Variants in NAALADL2 observed in about 807,000 individuals in gnomAD.
NAALADL2 encodes N-acetylated alpha-linked acidic dipeptidase like 2.
Under a neutral mutation model 87.2 loss-of-function variants are expected in NAALADL2, and 76 were observed. That is an observed-to-expected ratio of 0.87 (90% confidence interval 0.72 to 1.05). The LOEUF is 1.05. Ranked by LOEUF, NAALADL2 falls within the 50% of genes least tolerant of loss-of-function variation. The pLI, the probability that NAALADL2 is intolerant of heterozygous loss-of-function variation, is 0.00. For synonymous variants in NAALADL2, 354 were observed against 331.0 expected (o/e 1.07, Z -0.75); for missense variants, 1,089 against 945.8 (o/e 1.15, Z -1.99).
chr3:175,211,241 T>C (rs1741728256), intron 2 of NAALADL2, among the ~76,000 whole-genome samples: 1 of 151,898 alleles, frequency 6.6e-6, no homozygotes, highest in African/African-American at 2.4e-5. Context: ...TAAATATAGA[T>C]ACTTCAGAAT....
At chr3:174,892,305 A>G (rs1444510208) in intron 1 of NAALADL2, among the ~76,000 whole-genome samples, 1 of 152,186 alleles carries the variant, frequency 6.6e-6, no homozygotes, top group Admixed American at 6.5e-5. Context: ...TGTGTTGAGG[A>G]AAGTTGAAGA....
intron 2 of NAALADL2, among the ~76,000 whole-genome samples, chr3:174,626,141 T>C (rs1031815207): frequency 6.6e-6 from 1 of 151,406 alleles, no homozygotes; most frequent in African/African-American, 2.4e-5. Context: ...ATGCACTGCA[T>C]TGGATATTTT....
chr3:175,028,278 C>T (rs557891574), intron 1 of NAALADL2, among the ~76,000 whole-genome samples: 23 of 152,010 alleles, frequency 1.5e-4, no homozygotes, highest in African/African-American at 5.1e-4. Flanking sequence ...ACACTTAAAA[C>T]AAAAATAATA....
intron 5 of NAALADL2, among the ~76,000 whole-genome samples, chr3:175,423,134 A>G (rs1463295381): frequency 1.4e-5 from 2 of 146,134 alleles, no homozygotes; most frequent in Non-Finnish European, 3.0e-5. Context: ...AAAGGGAAAG[A>G]GAAGAATTCT....
chr3:174,863,051 G>A (rs991945584), intron 1 of NAALADL2, among the ~76,000 whole-genome samples: 17 of 151,962 alleles, frequency 1.1e-4, no homozygotes, highest in Non-Finnish European at 2.1e-4. Context: ...TCACAGTTAG[G>A]AAAAAATAAT....
intron 5 of NAALADL2, among the ~76,000 whole-genome samples, chr3:175,391,602 T>C (rs1769082678): frequency 6.6e-6 from 1 of 152,190 alleles, no homozygotes; most frequent in African/African-American, 2.4e-5. Flanking sequence ...GTGAATACTC[T>C]TGAATTAAGC....
chr3:174,699,190 T>G lies in NAALADL2; in HGVS notation c.-114-38451T>G, dbSNP rs1000399198. ...TCTTTATCATCCACTTATTTTATTCTTAATTTAGTTAAATCTAAGGTGGTG... is the reference window on the plus strand; with the variant it reads ...TCTTTATCATCCACTTATTTTATTCGTAATTTAGTTAAATCTAAGGTGGTG... On this transcript the variant is annotated intron_variant, in intron 2 of 3. Coordinates refer to the NAALADL2 transcript ENST00000434257. 3.9e-5 allele frequency among the ~76,000 whole-genome samples: 6 copies of G among 152,126 alleles called. No homozygotes were observed. In the South Asian group the frequency reaches 1.2e-3, roughly 32 times the overall value.
chr3:175,693,084 G>A (rs1478430135), intron 11 of NAALADL2, among the ~76,000 whole-genome samples: 1 of 152,186 alleles, frequency 6.6e-6, no homozygotes, highest in African/African-American at 2.4e-5. Context: ...AAATTTGGAA[G>A]CATGGTCTTC....
chr3:175,799,298 G>T (rs1453854923), intron 13 of NAALADL2, among the ~76,000 whole-genome samples: 2 of 151,956 alleles, frequency 1.3e-5, no homozygotes, highest in Non-Finnish European at 2.9e-5. Context: ...TTTTAGTAAA[G>T]CAGTATAGGT....
intron 1 of NAALADL2, among the ~76,000 whole-genome samples, chr3:174,969,521 TG>T (rs1743322308): frequency 6.6e-6 from 1 of 152,228 alleles, no homozygotes; most frequent in Admixed American, 6.5e-5. Flanking sequence ...TTTTAGGCTA[TG>T]GACAAGCCTG....
intron 2 of NAALADL2, among the ~76,000 whole-genome samples, chr3:175,172,604 C>T (rs1239200134): frequency 2.0e-5 from 3 of 152,134 alleles, no homozygotes; most frequent in African/African-American, 7.2e-5. Flanking sequence ...ATTATCCTCA[C>T]TCTTGCAAGA....
chr3:175,471,786 G>T, intron 9 of NAALADL2, 28 bp downstream of exon 9: 1 of 1,563,052 alleles, frequency 6.4e-7, no homozygotes, highest in African/African-American at 1.4e-5. Context: ...TGTATCAAAT[G>T]ATTATGCAAA....
chr3:175,789,651 C>T (rs1031013751), intron 13 of NAALADL2, among the ~76,000 whole-genome samples: 1 of 152,060 alleles, frequency 6.6e-6, no homozygotes, highest in Non-Finnish European at 1.5e-5. Flanking sequence ...GAACCCATTA[C>T]TTTTATTCTT....
At chr3:174,904,545 A>G (rs1255855130) in intron 1 of NAALADL2, among the ~76,000 whole-genome samples, 2 of 150,722 alleles carry the variant, frequency 1.3e-5, no homozygotes, top group Non-Finnish European at 3.0e-5. Flanking sequence ...CAGAAAGTCT[A>G]CTAATGCCCA....
intron 3 of NAALADL2, among the ~76,000 whole-genome samples, chr3:174,762,824 A>T (rs1305059458): frequency 1.3e-5 from 2 of 151,800 alleles, no homozygotes; most frequent in Non-Finnish European, 2.9e-5. Context: ...TGCCAATAAT[A>T]AAAAAAAATC....
intron 2 of NAALADL2, among the ~76,000 whole-genome samples, chr3:174,555,716 T>G (rs1712709775): frequency 1.3e-5 from 2 of 152,194 alleles, no homozygotes; most frequent in South Asian, 4.1e-4. Flanking sequence ...AGATTCTTCT[T>G]GGCCTTTCTA....
At chr3:175,289,164 T>A (rs544232572) in intron 4 of NAALADL2, among the ~76,000 whole-genome samples, 1 of 152,302 alleles carries the variant, frequency 6.6e-6, no homozygotes, top group Non-Finnish European at 1.5e-5. Context: ...TTTTGGCATG[T>A]CTTTCTTCGT....
chr3:174,578,546 G>A (rs1715801592), intron 2 of NAALADL2, among the ~76,000 whole-genome samples: 1 of 151,856 alleles, frequency 6.6e-6, no homozygotes, highest in Non-Finnish European at 1.5e-5. Context: ...TAAGCTGAAA[G>A]CAAGATATGT....
At chr3:175,288,027 G>A (rs2110122505) in intron 4 of NAALADL2, among the ~76,000 whole-genome samples, 1 of 152,156 alleles carries the variant, frequency 6.6e-6, no homozygotes, top group Non-Finnish European at 1.5e-5. Flanking sequence ...TGATACATCA[G>A]ACAGAATTAA....
Sources: allele counts gnomAD v4.1 joint callset (sites outside exome capture counted in the v4.1 genomes callset), GRCh38; gene constraint gnomAD v4.1.1; transcripts MANE v1.5; gene names NCBI Gene and HGNC (gene_info 2026-07-23, HGNC 2026-07-21).